Variants in MYO9B observed in about 807,000 individuals in gnomAD.
MYO9B encodes the protein unconventional myosin-IXb.
A neutral mutation model predicts 229.5 loss-of-function variants in MYO9B; 71 were observed. The observed-to-expected ratio is 0.31, with a 90% CI of 0.26 to 0.38. The LOEUF (loss-of-function observed/expected upper bound fraction) is 0.38. MYO9B is among the 10% of genes least tolerant of loss of function. The pLI is 1.00. For missense variants in MYO9B, 2,255 were observed against 2,920.5 expected (o/e 0.77, Z 5.25); for synonymous variants, 1,185 against 1,235.8 (o/e 0.96, Z 0.86).
chr19:17,108,571 G>A (rs188767807), intron 2 of MYO9B, among the ~76,000 whole-genome samples: 9 of 151,002 alleles, frequency 6.0e-5, no homozygotes, highest in Admixed American at 2.0e-4. Flanking sequence ...GCTTCCCGTT[G>A]TCCCCTGGGG....
rs372224201 is a variant in MYO9B, at chr19:17,212,148, G to T, written c.6312G>T (p.Pro2104=). 6.3e-7 allele frequency: 1 copy of T among 1,587,344 alleles called. No homozygotes were observed. Among genetic ancestry groups the T allele is most frequent in the Non-Finnish European group, 8.6e-7 (1 of 1,168,022 alleles). ...GCCGGGAGCCACCTGCCCGCCGCCC[G>T]GACCAGATACATTCCGTGTACATCA... is the stretch of plus-strand genomic sequence containing the variant. ...VRRREPPARR[P]DQIHSVYITP... Residue 2104 remains proline (P), a synonymous_variant, in exon 40 of 40, where the codon CCG becomes CCT. Transcript: ENST00000682292. The surrounding 1 kb of genome is among the most constrained non-coding windows in gnomAD (Gnocchi z 5.4).
At chr19:17,095,490 T>G (rs1292736490) in intron 1 of MYO9B, 1 of 152,236 alleles carries the variant, frequency 6.6e-6, no homozygotes, top group African/African-American at 2.4e-5. Flanking sequence ...TCTCTCAGCT[T>G]CATGTTTTTG....
At chr19:17,079,316 G>A (rs549216160) in intron 1 of MYO9B, among the ~76,000 whole-genome samples, 2 of 152,124 alleles carry the variant, frequency 1.3e-5, no homozygotes, top group Admixed American at 6.5e-5. Context: ...AGGAGGGAGC[G>A]GGTCTTGATA....
intron 7 of MYO9B, chr19:17,157,805 TAGG>T (rs1303228511): frequency 6.6e-6 from 1 of 152,254 alleles, no homozygotes; most frequent in African/African-American, 2.4e-5. Context: ...TGCTTGAGCC[TAGG>T]AGTTCATTGC....
chr19:17,203,887 C>T (rs1171556619), intron 30 of MYO9B, among the ~76,000 whole-genome samples: 3 of 152,104 alleles, frequency 2.0e-5, no homozygotes, highest in Non-Finnish European at 1.5e-5. Flanking sequence ...CGGTCCCTCC[C>T]CTGTAGGCCA....
At chr19:17,088,615 C>A (rs187413666) in intron 1 of MYO9B, among the ~76,000 whole-genome samples, 2 of 152,126 alleles carry the variant, frequency 1.3e-5, no homozygotes, top group Non-Finnish European at 2.9e-5. Context: ...TGTACCAGAC[C>A]GTGGTATGAG....
Position 17,207,153 on chromosome 19 carries a change from G to A in MYO9B, c.5533G>A (p.Ala1845Thr). 2 of 1,608,978 alleles carry A rather than the reference G, an allele frequency of 1.2e-6. No individual in the cohort carries two copies. Among genetic ancestry groups the A allele is most frequent in the Non-Finnish European group, 1.7e-6 (2 of 1,178,538 alleles). The change falls in exon 35 of 40, where the codon GCG becomes ACG. Residue 1845 changes from alanine to threonine, a missense_variant. Transcript: ENST00000682292. ...GGATGTCAACCGCATGTCACCTGGG[G>A]CGCTGGCCATTATCTTCGCACCCTG... ...LEDVNRMSPG[A>T]LAIIFAPCLL...
intron 2 of MYO9B, among the ~76,000 whole-genome samples, chr19:17,125,308 C>CA (rs2058006176): frequency 6.4e-5 from 8 of 124,206 alleles, no homozygotes; most frequent in African/African-American, 1.6e-4. Flanking sequence ...CCCCCCCCCC[C>CA]CAAAAAAAGG....
intron 14 of MYO9B, among the ~76,000 whole-genome samples, chr19:17,178,740 A>T (rs2072819202): frequency 5.9e-5 from 9 of 152,044 alleles, no homozygotes; most frequent in Admixed American, 5.9e-4. Context: ...CCCTTAAACT[A>T]GGGTTTCTCT....
chr19:17,207,256 C>T lies in MYO9B; in HGVS notation c.5624+12C>T. 1 of 1,589,730 alleles carries T rather than the reference C, an allele frequency of 6.3e-7. No homozygotes were observed. Among genetic ancestry groups the T allele is most frequent in the Non-Finnish European group, 8.6e-7 (1 of 1,169,406 alleles). ...CTCAAGATCACCACGTGAGTGCCCA[C>T]CCTGCCCCGGAGGCATGCTCAGGGC... On this transcript the variant is annotated intron_variant, in intron 35 of 39. Coordinates refer to ENST00000682292, the MANE Select transcript of MYO9B (RefSeq NM_004145.4).
In MYO9B at chr19:17,150,821, C is replaced by T. The variant is rs569615764; in HGVS notation, c.936-1823C>T. On this transcript the variant is annotated intron_variant, in intron 3 of 39. Coordinates refer to ENST00000682292, the MANE Select transcript of MYO9B (RefSeq NM_004145.4). ...ACATATTTTTCCTCGAAAAAACATT[C>T]ACTGCCACTACTTTTAGCATTGAGA... is the stretch of plus-strand genomic sequence containing the variant. Among the ~76,000 whole-genome samples the T allele has an allele frequency of 4.5e-4, 64 of 141,502 alleles. 11 individuals carry two copies. The highest frequency in any genetic ancestry group is 7.9e-4 in the Admixed American group (11 of 14,006). The allele number at this position is 141,502 out of a possible 152,430, so 92.8% of individuals were successfully genotyped here.
At chr19:17,110,466 G>A (rs898649931) in intron 2 of MYO9B, among the ~76,000 whole-genome samples, 7 of 152,088 alleles carry the variant, frequency 4.6e-5, no homozygotes, top group African/African-American at 1.7e-4. Flanking sequence ...CCCAGAACAC[G>A]CTCCTCTCCC....
At chr19:17,196,040 T>C (rs994054101) in intron 22 of MYO9B, among the ~76,000 whole-genome samples, 16 of 151,306 alleles carry the variant, frequency 1.1e-4, no homozygotes, top group African/African-American at 3.6e-4. Context: ...TATCATAAGA[T>C]GTTGAGCAGC....
At position 17,210,772 on chromosome 19, in the gene MYO9B, G is replaced by A. The variant is rs373064434; in HGVS notation, c.5854G>A (p.Glu1952Lys). 1.9e-6 allele frequency: 3 copies of A among 1,577,244 alleles called. No individual in the cohort carries two copies. The highest frequency in any genetic ancestry group is 2.6e-6 in the Non-Finnish European group (3 of 1,162,092). Residue 1952 changes from glutamate to lysine, a missense_variant, in exon 38 of 40, where the codon GAG becomes AAG. This residue lies in a region of MYO9B where 331 missense variants were observed against 332.5 expected (regional missense o/e 1.00). Transcript: ENST00000682292. ...GGAGGAGCTGGAGGTGCTGCTGGAG[G>A]AGGAGGCAGCCGGCGGCGATGAGGA... is the stretch of plus-strand genomic sequence containing the variant. ...QEEELEVLLE[E>K]EAAGGDEDRE...
At chr19:17,083,447 C>T (rs961751462) in intron 1 of MYO9B, among the ~76,000 whole-genome samples, 7 of 152,124 alleles carry the variant, frequency 4.6e-5, no homozygotes, top group Non-Finnish European at 8.8e-5. Context: ...ACAGCATCCC[C>T]GGCCTCCACC....
intron 1 of MYO9B, among the ~76,000 whole-genome samples, chr19:17,093,685 G>C (rs2057659854): frequency 2.1e-5 from 1 of 46,816 alleles, no homozygotes; most frequent in Non-Finnish European, 3.8e-5. Context: ...CAGTTTTTTT[G>C]CGGGGGGTGG....
intron 1 of MYO9B, among the ~76,000 whole-genome samples, chr19:17,086,836 C>T (rs1478860962): frequency 2.0e-5 from 3 of 151,390 alleles, no homozygotes; most frequent in South Asian, 2.1e-4. Flanking sequence ...GCTGAGATAG[C>T]GCTACTGCAC....
intron 2 of MYO9B, among the ~76,000 whole-genome samples, chr19:17,136,872 GCTTGAGTCCAGGAGC>G (rs1269794783): frequency 2.6e-5 from 4 of 152,142 alleles, no homozygotes; most frequent in Non-Finnish European, 5.9e-5. Flanking sequence ...TGGAAGGATT[GCTTGAGTCCAGGAGC>G]CCCAGACCAA....
intron 28 of MYO9B, 139 bp downstream of exon 28, chr19:17,202,442 C>A: frequency 1.1e-6 from 1 of 873,586 alleles, no homozygotes. Context: ...AGCCACTGTG[C>A]CATGACTTGA....
Sources: allele counts gnomAD v4.1 joint callset (sites outside exome capture counted in the v4.1 genomes callset), GRCh38; gene constraint gnomAD v4.1.1; regional missense constraint gnomAD v4.1.1; non-coding constraint Gnocchi (gnomAD v3.1); transcripts MANE v1.5; gene names NCBI Gene and HGNC (gene_info 2026-07-23, HGNC 2026-07-21).